ZNF609: variants seen among roughly 807,000 people sequenced by gnomAD.
ZNF609 encodes zinc finger protein 609.
ZNF609 carries 11 observed loss-of-function variants against 109.5 expected under a neutral mutation model. The ratio of observed to expected loss-of-function variants is 0.10; its 90% CI spans 0.06 to 0.17. The LOEUF (loss-of-function observed/expected upper bound fraction) is 0.17, where lower values mean the gene tolerates loss of function less well. Among genes scored for constraint, ZNF609 ranks in the 10% least tolerant of loss-of-function variants. The pLI, the probability that ZNF609 is intolerant of heterozygous loss-of-function variation, is 1.00. For synonymous variants in ZNF609, 646 were observed against 662.0 expected, an observed-to-expected ratio of 0.98 and a Z score of 0.37; for missense variants, 1,559 against 1,772.4, an observed-to-expected ratio of 0.88 and a Z score of 2.16.
chr15:64,583,733 G>C (rs961063750), intron 2 of ZNF609, among the ~76,000 whole-genome samples: 3 of 152,182 alleles, frequency 2.0e-5, no homozygotes, highest in African/African-American at 7.2e-5. Context: ...CTAGAATCGT[G>C]AATGTAGGGG....
At chr15:64,539,833 C>T (rs553724113) in intron 2 of ZNF609, among the ~76,000 whole-genome samples, 98 of 151,928 alleles carry the variant, frequency 6.5e-4, no homozygotes, top group Non-Finnish European at 1.2e-3. Context: ...GACAGGGTTT[C>T]GCCATGTTGG....
At chr15:64,653,017 A>G (rs554881723) in intron 3 of ZNF609, 1 of 152,400 alleles carries the variant, frequency 6.6e-6, no homozygotes, top group South Asian at 2.1e-4. Context: ...AGATACTCCA[A>G]GTCTGTACAG....
At chr15:64,537,178 G>A (rs1488121574) in intron 2 of ZNF609, among the ~76,000 whole-genome samples, 1 of 151,140 alleles carries the variant, frequency 6.6e-6, no homozygotes, top group Non-Finnish European at 1.5e-5. Flanking sequence ...AGTCGAGATC[G>A]TGCCACTGCA....
intron 2 of ZNF609, among the ~76,000 whole-genome samples, chr15:64,524,880 G>A (rs1326730573): frequency 6.6e-6 from 1 of 152,058 alleles, no homozygotes; most frequent in Admixed American, 6.6e-5. Context: ...AACTTTGTTT[G>A]GAGCTGGCAA....
chr15:64,467,147 G>C (rs1893026785), intron 1 of ZNF609, among the ~76,000 whole-genome samples: 1 of 152,120 alleles, frequency 6.6e-6, no homozygotes, highest in Non-Finnish European at 1.5e-5. Flanking sequence ...CCATCACTCA[G>C]GGGCAAACCT....
intron 2 of ZNF609, among the ~76,000 whole-genome samples, chr15:64,573,346 C>CTTTTTTTTTTTTTTT: frequency 1.4e-5 from 1 of 72,950 alleles, no homozygotes; most frequent in Non-Finnish European, 2.4e-5. Flanking sequence ...GCCCAACTTT[C>CTTTTTTTTTTTTTTT]TTTTTTTTTT....
rs548881460 is a variant in ZNF609 at position 64,484,169 on chromosome 15, A to G, written c.-127-15124A>G. Among the ~76,000 whole-genome samples, 91 of 152,168 alleles carry G rather than the reference A, an allele frequency of 6.0e-4. 1 individual carries two copies. The highest frequency in any genetic ancestry group is 3.9e-3 in the South Asian group (19 of 4,826). ...TTTGACATTTTAATAAATGTTTCAC[A>G]TAAGTGAAATATTGAGATTTTCCTA... On this transcript the variant is annotated intron_variant, in intron 1 of 9. Coordinates refer to ENST00000326648, the MANE Select transcript of ZNF609 (RefSeq NM_015042.2).
chr15:64,517,667 C>G (rs1893833132), intron 2 of ZNF609, among the ~76,000 whole-genome samples: 1 of 151,870 alleles, frequency 6.6e-6, no homozygotes, highest in Non-Finnish European at 1.5e-5. Flanking sequence ...CCCAGGAGTT[C>G]AAGTCCAGCT....
At chr15:64,609,535 C>T (rs1478203196) in intron 2 of ZNF609, among the ~76,000 whole-genome samples, 2 of 151,014 alleles carry the variant, frequency 1.3e-5, no homozygotes, top group Non-Finnish European at 1.5e-5. Context: ...GTCTTGAACT[C>T]CTGACCTCAG....
At chr15:64,603,853 G>T (rs551813961) in intron 2 of ZNF609, among the ~76,000 whole-genome samples, 2 of 151,544 alleles carry the variant, frequency 1.3e-5, no homozygotes, top group East Asian at 3.9e-4. Flanking sequence ...AAAAAAAATA[G>T]CCAGGCATGC....
intron 3 of ZNF609, among the ~76,000 whole-genome samples, chr15:64,640,454 C>G (rs1896237693): frequency 6.6e-6 from 1 of 151,772 alleles, no homozygotes; most frequent in Non-Finnish European, 1.5e-5. Flanking sequence ...TTAACAAACT[C>G]TGAAACAGTC....
At chr15:64,638,563 G>C (rs1303666757) in intron 3 of ZNF609, among the ~76,000 whole-genome samples, 1 of 152,016 alleles carries the variant, frequency 6.6e-6, no homozygotes, top group African/African-American at 2.4e-5. Context: ...GGGGGGATCA[G>C]AGCAAGTCAC....
chr15:64,576,933 T>C lies in ZNF609; in HGVS notation c.748-45894T>C, dbSNP rs866499620. On this transcript the variant is annotated intron_variant, in intron 2 of 9. Transcript: ENST00000326648. The stretch of plus-strand genomic sequence containing the variant: ...GTATATATACATATATGTGTATATA[T>C]ACATATAAATATATACATATATGTA... Among the ~76,000 whole-genome samples, 78 of 131,776 alleles carry C rather than the reference T, an allele frequency of 5.9e-4. 1 individual carries two copies. Among genetic ancestry groups the C allele is most frequent in the African/African-American group, 1.8e-3 (70 of 38,070 alleles). The allele number at this position is 131,776 out of a possible 152,430, so 86.5% of individuals were successfully genotyped here.
chr15:64,584,157 T>A (rs670434), intron 2 of ZNF609, among the ~76,000 whole-genome samples: 2 of 152,156 alleles, frequency 1.3e-5, no homozygotes, highest in African/African-American at 2.4e-5. Flanking sequence ...GTTGTACAGG[T>A]TGTGCCTTTT....
At chr15:64,680,911 T>G in intron 8 of ZNF609, 49 bp downstream of exon 8, 1 of 1,592,236 alleles carries the variant, frequency 6.3e-7, no homozygotes, top group Non-Finnish European at 8.5e-7. Context: ...TTTTGTTTTG[T>G]TTATCTTCAT....
chr15:64,552,845 C>G (rs1265926196), intron 2 of ZNF609, among the ~76,000 whole-genome samples: 1 of 152,118 alleles, frequency 6.6e-6, no homozygotes, highest in Non-Finnish European at 1.5e-5. Flanking sequence ...TGGGGTTTCA[C>G]TATGTTGACC....
At chr15:64,487,497 C>T (rs1051946472) in intron 1 of ZNF609, among the ~76,000 whole-genome samples, 1 of 152,162 alleles carries the variant, frequency 6.6e-6, no homozygotes, top group East Asian at 1.9e-4. Context: ...AGATATAGAA[C>T]ATTTATTTCC....
intron 2 of ZNF609, among the ~76,000 whole-genome samples, chr15:64,509,535 T>C (rs528057736): frequency 1.3e-5 from 2 of 152,330 alleles, no homozygotes; most frequent in South Asian, 2.1e-4. Context: ...TGGAAAACAA[T>C]GAATTTATGA....
At chr15:64,572,894 T>G (rs1268970666) in intron 2 of ZNF609, among the ~76,000 whole-genome samples, 3 of 151,914 alleles carry the variant, frequency 2.0e-5, no homozygotes, top group Admixed American at 2.0e-4. Flanking sequence ...AGAGCAAAAC[T>G]CCGTCTTGAG....
Sources: allele counts gnomAD v4.1 joint callset (sites outside exome capture counted in the v4.1 genomes callset), GRCh38; gene constraint gnomAD v4.1.1; transcripts MANE v1.5; gene names NCBI Gene and HGNC (gene_info 2026-07-23, HGNC 2026-07-21).